ARL13B: variants seen among roughly 807,000 people sequenced by gnomAD.
ARL13B encodes ARF like GTPase 13B, also known as ADP-ribosylation factor-like protein 13B.
ARL13B carries 36 observed loss-of-function variants against 56.1 expected under a neutral mutation model. That is an observed-to-expected ratio of 0.64 (90% confidence interval 0.49 to 0.85). The LOEUF (loss-of-function observed/expected upper bound fraction) is 0.85, where lower values mean the gene tolerates loss of function less well. ARL13B is among the 40% of genes least tolerant of loss of function. The pLI, the probability that ARL13B is intolerant of heterozygous loss-of-function variation, is 0.00. For missense variants in ARL13B, 519 were observed against 507.1 expected, an observed-to-expected ratio of 1.02 and a Z score of -0.23; for synonymous variants, 178 against 171.1, an observed-to-expected ratio of 1.04 and a Z score of -0.32.
intron 3 of ARL13B, among the ~76,000 whole-genome samples, chr3:94,016,417 A>G (rs1374100444): frequency 6.6e-6 from 1 of 152,180 alleles, no homozygotes; most frequent in African/African-American, 2.4e-5. Flanking sequence ...AAATGTGTAG[A>G]TGGTGTAAAA....
chr3:94,020,478 T>TTG (rs2106994879), intron 3 of ARL13B, among the ~76,000 whole-genome samples: 2 of 152,266 alleles, frequency 1.3e-5, no homozygotes, highest in South Asian at 4.1e-4. Flanking sequence ...AACTTCACTA[T>TTG]GACATAGCAT....
chr3:94,036,662 A>T lies in ARL13B; in HGVS notation c.597A>T (p.Glu199Asp). The T allele has an allele frequency of 6.2e-7, 1 of 1,614,178 alleles. No individual in the cohort carries two copies. Among genetic ancestry groups the T allele is most frequent in the Non-Finnish European group, 8.5e-7 (1 of 1,180,018 alleles). ...VIARDFDALN[E>D]RIQKETTEQR... ...CAAGAGACTTTGATGCCTTAAATGAACGCATCCAAAAAGAGACAACAGAGC... is the reference window on the plus strand; with the variant it reads ...CAAGAGACTTTGATGCCTTAAATGATCGCATCCAAAAAGAGACAACAGAGC... The change falls in exon 5 of 10, where the codon GAA (glutamate) becomes GAT (aspartate). Residue 199 changes from glutamate (E) to aspartate (D), a missense_variant. Transcript: ENST00000394222.
At chr3:93,997,012 T>A (rs1243002231) in intron 2 of ARL13B, among the ~76,000 whole-genome samples, 1 of 152,078 alleles carries the variant, frequency 6.6e-6, no homozygotes, top group Non-Finnish European at 1.5e-5. Context: ...GCAAGAGATC[T>A]AGGTTATGTG....
chr3:94,007,143 G>A (rs1450663686), intron 3 of ARL13B, among the ~76,000 whole-genome samples: 1 of 152,104 alleles, frequency 6.6e-6, no homozygotes, highest in Admixed American at 6.6e-5. Context: ...TTAATGCTTG[G>A]ATAACTTTCT....
chr3:94,046,169 A>G (rs1306473364), intron 7 of ARL13B, among the ~76,000 whole-genome samples: 2 of 151,814 alleles, frequency 1.3e-5, no homozygotes, highest in Non-Finnish European at 2.9e-5. Flanking sequence ...AGATTGATAC[A>G]TTTTGATATA....
intron 3 of ARL13B, among the ~76,000 whole-genome samples, chr3:94,020,225 T>C (rs1317365527): frequency 6.6e-6 from 1 of 152,190 alleles, no homozygotes; most frequent in Non-Finnish European, 1.5e-5. Flanking sequence ...AGTTCTTATG[T>C]TGAGATCTTG....
intron 5 of ARL13B, among the ~76,000 whole-genome samples, 163 bp downstream of exon 5, chr3:94,036,917 G>A (rs1263569524): frequency 6.6e-6 from 1 of 152,112 alleles, no homozygotes; most frequent in Non-Finnish European, 1.5e-5. Context: ...ACAAGTTTGG[G>A]TGGTAGATTC....
At chr3:94,017,281 C>G (rs1379007052) in intron 3 of ARL13B, among the ~76,000 whole-genome samples, 2 of 152,192 alleles carry the variant, frequency 1.3e-5, no homozygotes, top group South Asian at 4.1e-4. Context: ...ATTAGACTTA[C>G]TTGGCATAAC....
intron 7 of ARL13B, 124 bp from the exon 8 acceptor site, chr3:94,049,282 C>G: frequency 1.8e-6 from 1 of 551,014 alleles, no homozygotes; most frequent in Non-Finnish European, 3.2e-6. Context: ...TAACAATTTC[C>G]AAAGTTAAAT....
At chr3:94,018,998 T>A (rs967098167) in intron 3 of ARL13B, among the ~76,000 whole-genome samples, 1 of 152,166 alleles carries the variant, frequency 6.6e-6, no homozygotes, top group Non-Finnish European at 1.5e-5. Flanking sequence ...ACTCCTGATC[T>A]CAGGCGATCC....
chr3:94,048,714 C>A (rs932841216), intron 7 of ARL13B, among the ~76,000 whole-genome samples: 5 of 151,960 alleles, frequency 3.3e-5, no homozygotes, highest in Admixed American at 6.6e-5. Context: ...GCCTCAGCCT[C>A]CTGAATAGTT....
intron 3 of ARL13B, chr3:94,014,840 A>G: frequency 6.2e-7 from 1 of 1,614,082 alleles, no homozygotes. Flanking sequence ...ATTTGCTGAA[A>G]ATGGCGGAAC....
At chr3:94,040,655 C>T (rs1267858351) in intron 6 of ARL13B, among the ~76,000 whole-genome samples, 1 of 148,876 alleles carries the variant, frequency 6.7e-6, no homozygotes, top group Non-Finnish European at 1.5e-5. Context: ...CTTCCTAAAC[C>T]TTAGGCTGAC....
rs1311832261 is a variant in ARL13B, at chr3:94,049,581, AAAAAAAG to A, written c.1141+67_1141+73del. 20 of 1,182,148 alleles carry A rather than the reference AAAAAAAG, an allele frequency of 1.7e-5. No homozygotes were observed. In the Admixed American group the frequency reaches 2.4e-4, roughly 14 times the overall value. 73.2% of individuals were successfully genotyped at this position (1,182,148 alleles called of 1,614,324 possible). On this transcript the variant is annotated intron_variant, in intron 8 of 9. Coordinates refer to ENST00000394222, the MANE Select transcript of ARL13B (RefSeq NM_001174150.2). Reference sequence around the variant, plus strand: ...ATATTGCTTTAAACAACAGAGAAAAAAAAAAAGAAAAAAGGAATCTTGTCATTTTTAT... The same window carrying A: ...ATATTGCTTTAAACAACAGAGAAAAAAAAAAAGGAATCTTGTCATTTTTAT...
At position 94,054,675 on chromosome 3, in the gene ARL13B, A is replaced by T. The variant is rs1380873176; in HGVS notation, c.*1412A>T. The T allele has an allele frequency of 2.6e-6, 1 of 380,428 alleles. No homozygotes were observed. Among genetic ancestry groups the T allele is most frequent in the East Asian group, 8.0e-5 (1 of 12,472 alleles). The allele number at this position is 380,428 out of a possible 1,614,324, so 23.6% of individuals were successfully genotyped here. A position where few individuals can be genotyped will look rare whatever the true frequency, so the allele number is the denominator to read the frequency against. On this transcript the variant is annotated 3_prime_UTR_variant, in exon 10 of 10. Transcript: ENST00000394222. ...TACTTCAGAACATCAGATTTTATTCACATTTTTTAACTCACTGAACTTTAA... is the reference window on the plus strand; with the variant it reads ...TACTTCAGAACATCAGATTTTATTCTCATTTTTTAACTCACTGAACTTTAA...
intron 3 of ARL13B, among the ~76,000 whole-genome samples, chr3:94,032,976 A>G (rs530651574): frequency 6.6e-6 from 1 of 152,344 alleles, no homozygotes; most frequent in African/African-American, 2.4e-5. Context: ...ATGTCCTTCA[A>G]TGGATGATGA....
rs774471915 is a variant in ARL13B, at chr3:94,014,377, T to TTTTTTTG, written c.380+10469_380+10470insTTTTTTG. On this transcript the variant is annotated intron_variant, in intron 3 of 9. Coordinates refer to ENST00000394222, the MANE Select transcript of ARL13B (RefSeq NM_001174150.2). The stretch of plus-strand genomic sequence containing the variant: ...CGTAAAGCTGGAAAAAGTTTTAAAA[T>TTTTTTTG]AGCTTCTTTATTTTGAGCTACAGCA... 5.9e-6 allele frequency: 9 copies of TTTTTTTG among 1,514,070 alleles called. No individual in the cohort carries two copies. In the East Asian group the frequency reaches 2.1e-4, roughly 35 times the overall value. The allele number at this position is 1,514,070 out of a possible 1,614,324, so 93.8% of individuals were successfully genotyped here. A position where few individuals can be genotyped will look rare whatever the true frequency, so the allele number is the denominator to read the frequency against.
intron 1 of ARL13B, among the ~76,000 whole-genome samples, chr3:93,985,722 C>T (rs866428690): frequency 2.6e-5 from 4 of 152,130 alleles, no homozygotes; most frequent in South Asian, 2.1e-4. Flanking sequence ...ATCCTTGAAA[C>T]TTCCTGCCCC....
chr3:94,044,916 C>T (rs931826277), intron 7 of ARL13B, among the ~76,000 whole-genome samples: 5 of 152,256 alleles, frequency 3.3e-5, no homozygotes, highest in East Asian at 3.9e-4. Flanking sequence ...TGCCCGCCGC[C>T]GCATCTGGGA....
Sources: gnomAD v4.1 joint callset for allele counts (sites outside exome capture counted in the v4.1 genomes callset) on GRCh38, gnomAD v4.1.1 for gene constraint, MANE v1.5 for transcripts, NCBI Gene and HGNC (gene_info 2026-07-23, HGNC 2026-07-21) for gene names.